The following WLS variants were observed in gnomAD, a reference collection of about 807,000 sequenced individuals.
The protein encoded by WLS is Wnt ligand secretion mediator.
A neutral mutation model predicts 62.8 loss-of-function variants in WLS; 23 were observed. The observed-to-expected ratio is 0.37, with a 90% CI of 0.26 to 0.52. The LOEUF (loss-of-function observed/expected upper bound fraction) is 0.52. Among genes scored for constraint, WLS ranks in the 20% least tolerant of loss-of-function variants. The pLI is 0.92. For missense variants in WLS, 615 were observed against 697.3 expected (o/e 0.88, Z 1.33); for synonymous variants, 246 against 244.1 (o/e 1.01, Z -0.07).
intron 2 of WLS, among the ~76,000 whole-genome samples, chr1:68,166,938 A>G (rs1188833260): frequency 6.6e-6 from 1 of 152,164 alleles, no homozygotes; most frequent in Non-Finnish European, 1.5e-5. Flanking sequence ...GCCATCTTTT[A>G]TGATGTACAT....
intron 2 of WLS, among the ~76,000 whole-genome samples, chr1:68,164,951 C>T (rs1294277173): frequency 6.6e-6 from 1 of 152,146 alleles, no homozygotes; most frequent in African/African-American, 2.4e-5. Flanking sequence ...TTGGTATCTC[C>T]CCTTGGTCAG....
At chr1:68,107,807 T>C (rs1405969766) in intron 11 of WLS, among the ~76,000 whole-genome samples, 1 of 152,088 alleles carries the variant, frequency 6.6e-6, no homozygotes, top group East Asian at 1.9e-4. Context: ...ATCTACCCCA[T>C]CATGGGCACA....
At chr1:68,165,190 A>C (rs1298252498) in intron 2 of WLS, among the ~76,000 whole-genome samples, 1 of 152,206 alleles carries the variant, frequency 6.6e-6, no homozygotes, top group African/African-American at 2.4e-5. Flanking sequence ...CACAGGTTAC[A>C]AATTACTCAC....
Position 68,145,759 on chromosome 1 carries a change from A to G in WLS, c.1278+110T>C. On this transcript the variant is annotated intron_variant, in intron 9 of 11. Transcript: ENST00000262348. ...AGAGATCCTACATGAGAATCTCTCA[A>G]TTTGTATTTCAAAGTAAAGGCTTTC... is the stretch of plus-strand genomic sequence containing the variant. 3.3e-6 allele frequency: 5 copies of G among 1,503,406 alleles called. No individual in the cohort carries two copies. In the South Asian group the frequency reaches 6.8e-5, roughly 21 times the overall value. 93.1% of individuals were successfully genotyped at this position (1,503,406 alleles called of 1,614,324 possible). A position where few individuals can be genotyped will look rare whatever the true frequency, so the allele number is the denominator to read the frequency against.
intron 2 of WLS, chr1:68,162,047 T>C: frequency 3.1e-6 from 5 of 1,591,676 alleles, no homozygotes; most frequent in Non-Finnish European, 4.3e-6. Flanking sequence ...CTTTCTGGGA[T>C]GTGACCTGTG....
intron 2 of WLS, among the ~76,000 whole-genome samples, chr1:68,182,343 G>A (rs2772300): frequency 0.23 from 34,900 of 152,134 alleles, 4,171 homozygotes; most frequent in Middle Eastern, 0.28. Context: ...CAAAGCCAAA[G>A]GTTCCCATGC....
chr1:68,180,078 A>G (rs1647465300), intron 2 of WLS, among the ~76,000 whole-genome samples: 1 of 151,988 alleles, frequency 6.6e-6, no homozygotes, highest in Non-Finnish European at 1.5e-5. Flanking sequence ...AACAAAGACA[A>G]GCAACAGCAT....
intron 10 of WLS, among the ~76,000 whole-genome samples, chr1:68,139,712 C>T (rs969644288): frequency 1.4e-4 from 21 of 152,354 alleles, no homozygotes; most frequent in African/African-American, 5.1e-4. Flanking sequence ...TCTAAGGAAA[C>T]ACCAACCTAT....
chr1:68,190,157 C>A (rs1023135858), intron 2 of WLS, among the ~76,000 whole-genome samples: 5 of 152,176 alleles, frequency 3.3e-5, no homozygotes, highest in African/African-American at 1.2e-4. Flanking sequence ...GTAACTTCCC[C>A]AATACTGCAG....
At position 68,145,945 on chromosome 1, in the gene WLS, A is replaced by T; in HGVS notation, c.1202T>A (p.Phe401Tyr). 1 of 1,614,170 alleles carries T rather than the reference A, an allele frequency of 6.2e-7. No individual in the cohort carries two copies. The highest frequency in any genetic ancestry group is 2.2e-5 in the East Asian group (1 of 44,868). Residue 401 changes from phenylalanine (F) to tyrosine (Y), a missense_variant, in exon 9 of 12, where the codon TTT (phenylalanine) becomes TAT (tyrosine). Phe to Tyr is a conservative substitution (Grantham distance 22). Coordinates refer to ENST00000262348, the MANE Select transcript of WLS (RefSeq NM_024911.7). ...LYFLFLCFMVFQVFRNISGKQ... is the reference protein window; with the variant it reads ...LYFLFLCFMVYQVFRNISGKQ... The stretch of plus-strand genomic sequence containing the variant: ...CCCACTGATGTTCCGAAACACCTGA[A>T]ATACCATGAAGCATAGAAACAGGAA...
chr1:68,147,802 C>T (rs937841393), intron 8 of WLS, among the ~76,000 whole-genome samples: 1 of 152,146 alleles, frequency 6.6e-6, no homozygotes, highest in East Asian at 1.9e-4. Context: ...AGAGATGAAC[C>T]TCCATGGCTC....
At chr1:68,172,061 G>A (rs532899519) in intron 2 of WLS, among the ~76,000 whole-genome samples, 50 of 149,276 alleles carry the variant, frequency 3.3e-4, no homozygotes, top group African/African-American at 1.2e-3. Flanking sequence ...ACTAACACAG[G>A]AACAGAAAAC....
At chr1:68,139,388 A>C (rs1449947992) in intron 10 of WLS, among the ~76,000 whole-genome samples, 2 of 152,202 alleles carry the variant, frequency 1.3e-5, no homozygotes, top group Non-Finnish European at 2.9e-5. Flanking sequence ...AGAGCATCTT[A>C]TGATGATTTT....
intron 11 of WLS, among the ~76,000 whole-genome samples, chr1:68,104,642 G>C (rs1380944740): frequency 6.6e-6 from 1 of 152,190 alleles, no homozygotes; most frequent in Non-Finnish European, 1.5e-5. Context: ...TGGTGCGATG[G>C]CTTGCACCTA....
At chr1:68,132,012 T>A (rs1646533813) in intron 11 of WLS, among the ~76,000 whole-genome samples, 1 of 152,226 alleles carries the variant, frequency 6.6e-6, no homozygotes, top group South Asian at 2.1e-4. Context: ...ACACCCTGTC[T>A]GTAGTATTCG....
chr1:68,172,335 G>A (rs1341593162), intron 2 of WLS, among the ~76,000 whole-genome samples: 1 of 150,602 alleles, frequency 6.6e-6, no homozygotes, highest in Non-Finnish European at 1.5e-5. Context: ...ACTCAGAGAA[G>A]TTCCAAATGC....
At chr1:68,206,185 T>C (rs1298655040) in intron 1 of WLS, among the ~76,000 whole-genome samples, 1 of 152,094 alleles carries the variant, frequency 6.6e-6, no homozygotes, top group Non-Finnish European at 1.5e-5. Context: ...CAAAGAAAAA[T>C]GAATGACATG....
intron 2 of WLS, among the ~76,000 whole-genome samples, chr1:68,181,646 A>T (rs996277683): frequency 6.6e-6 from 1 of 152,160 alleles, no homozygotes; most frequent in African/African-American, 2.4e-5. Flanking sequence ...ACGTGTTGTT[A>T]GGTACCATCT....
chr1:68,204,722 T>G (rs1444997795), intron 1 of WLS, among the ~76,000 whole-genome samples: 1 of 152,220 alleles, frequency 6.6e-6, no homozygotes, highest in African/African-American at 2.4e-5. Context: ...TCTCCTTCAT[T>G]CAATTTGTTA....
Sources: allele counts gnomAD v4.1 joint callset (sites outside exome capture counted in the v4.1 genomes callset), GRCh38; gene constraint gnomAD v4.1.1; transcripts MANE v1.5; gene names NCBI Gene and HGNC (gene_info 2026-07-23, HGNC 2026-07-21).